The following TTLL11 variants were observed in gnomAD, a reference collection of about 807,000 sequenced individuals.
The protein encoded by TTLL11 is tubulin polyglutamylase TTLL11.
In TTLL11, 42 loss-of-function variants were observed where a neutral mutation model predicts 51.7. The ratio of observed to expected loss-of-function variants is 0.81; its 90% CI spans 0.64 to 1.05. The LOEUF (loss-of-function observed/expected upper bound fraction) is 1.05. TTLL11 is among the 50% of genes least tolerant of loss of function. The pLI, the probability that TTLL11 is intolerant of heterozygous loss-of-function variation, is 0.00. For missense variants in TTLL11, 799 were observed against 940.4 expected, an observed-to-expected ratio of 0.85 and a Z score of 1.97; for synonymous variants, 381 against 383.5, an observed-to-expected ratio of 0.99 and a Z score of 0.08.
At chr9:122,034,352 A>G (rs1451363159) in intron 2 of TTLL11, among the ~76,000 whole-genome samples, 1 of 152,160 alleles carries the variant, frequency 6.6e-6, no homozygotes, top group Admixed American at 6.5e-5. Flanking sequence ...GTGCACCATC[A>G]GGCCCCACAC....
chr9:121,852,720 C>A (rs1837699937), intron 8 of TTLL11, among the ~76,000 whole-genome samples: 1 of 152,166 alleles, frequency 6.6e-6, no homozygotes, highest in Admixed American at 6.5e-5. Context: ...CCTGGGAGAT[C>A]AGGGTCTGGG....
intron 8 of TTLL11, among the ~76,000 whole-genome samples, chr9:121,835,262 T>C (rs1381198156): frequency 6.6e-6 from 1 of 152,192 alleles, no homozygotes; most frequent in African/African-American, 2.4e-5. Context: ...ACTGCCACCC[T>C]AAGAGACTGG....
intron 4 of TTLL11, among the ~76,000 whole-genome samples, chr9:121,980,934 A>T (rs1454745664): frequency 1.3e-5 from 2 of 152,322 alleles, no homozygotes; most frequent in Admixed American, 1.3e-4. Context: ...GTTCTTCTGA[A>T]CATAGTGTAT....
At chr9:122,090,118 A>G (rs149285641) in intron 1 of TTLL11, among the ~76,000 whole-genome samples, 1 of 139,570 alleles carries the variant, frequency 7.2e-6, no homozygotes, top group Non-Finnish European at 1.6e-5. Context: ...TCTCATGTAG[A>G]TCAACATTAC....
intron 4 of TTLL11, among the ~76,000 whole-genome samples, chr9:121,978,451 T>G (rs200646379): frequency 0.058 from 141 of 2,438 alleles, 2 homozygotes; most frequent in East Asian, 0.35. Context: ...GGAAAAAGCT[T>G]TATTTATTTA....
At chr9:121,998,199 C>T (rs1050415540) in intron 3 of TTLL11, among the ~76,000 whole-genome samples, 2 of 152,194 alleles carry the variant, frequency 1.3e-5, no homozygotes, top group African/African-American at 4.8e-5. Flanking sequence ...GCTTTTCCTC[C>T]TTCCCCACAC....
At chr9:121,972,016 G>T (rs1470584225) in intron 6 of TTLL11, among the ~76,000 whole-genome samples, 1 of 151,774 alleles carries the variant, frequency 6.6e-6, no homozygotes, top group African/African-American at 2.4e-5. Flanking sequence ...AGCATTAGGA[G>T]AAATACCTAA....
At chr9:122,071,753 T>A (rs1379963673) in intron 1 of TTLL11, among the ~76,000 whole-genome samples, 2 of 152,172 alleles carry the variant, frequency 1.3e-5, no homozygotes, top group Non-Finnish European at 2.9e-5. Flanking sequence ...CCCTACTCAC[T>A]CAGAGGGTTG....
At chr9:122,020,111 T>C (rs913882925) in intron 3 of TTLL11, among the ~76,000 whole-genome samples, 1 of 152,220 alleles carries the variant, frequency 6.6e-6, no homozygotes, top group East Asian at 1.9e-4. Context: ...TAAGCCGCCA[T>C]GCCTGCCCTA....
intron 1 of TTLL11, 40 bp from the exon 2 acceptor site, chr9:122,039,408 G>A (rs1844783765): frequency 1.3e-6 from 2 of 1,512,502 alleles, no homozygotes; most frequent in Non-Finnish European, 1.8e-6. Flanking sequence ...AGAATAAGAA[G>A]AGCAGTGACC....
intron 3 of TTLL11, among the ~76,000 whole-genome samples, chr9:121,994,407 C>T (rs1162907076): frequency 6.6e-6 from 1 of 152,224 alleles, no homozygotes; most frequent in Non-Finnish European, 1.5e-5. Flanking sequence ...CACACGCTTA[C>T]TGAGCACTTA....
chr9:121,864,236 G>A (rs1160394334), intron 7 of TTLL11, among the ~76,000 whole-genome samples: 1 of 152,226 alleles, frequency 6.6e-6, no homozygotes, highest in East Asian at 1.9e-4. Flanking sequence ...ATTGCTGAAT[G>A]GGCCTTGGAT....
At chr9:122,048,200 C>T (rs1845069752) in intron 1 of TTLL11, among the ~76,000 whole-genome samples, 1 of 152,010 alleles carries the variant, frequency 6.6e-6, no homozygotes, top group South Asian at 2.1e-4. Context: ...TGGGGTCTCA[C>T]TCTGTCAGCC....
chr9:121,824,464 G>A (rs1225166020), intron 8 of TTLL11, among the ~76,000 whole-genome samples: 2 of 138,696 alleles, frequency 1.4e-5, no homozygotes, highest in African/African-American at 5.5e-5. Context: ...GACAGACAGA[G>A]CGAGACTCCA....
At position 121,980,941 on chromosome 9, in the gene TTLL11, G is replaced by C. The variant is rs1003620913; in HGVS notation, c.1270-5962C>G. 9.8e-5 allele frequency among the ~76,000 whole-genome samples: 15 copies of C among 152,296 alleles called. No individual in the cohort carries two copies. In the Middle Eastern group the frequency reaches 0.01, roughly 104 times the overall value. On this transcript the variant is annotated intron_variant, in intron 4 of 8. Coordinates refer to ENST00000321582, the MANE Select transcript of TTLL11 (RefSeq NM_001139442.2). ...TATTCTTTGTTCTTCTGAACATAGT[G>C]TATCTTTTCTTTCTGACTGCTTTTA...
At chr9:121,914,261 A>G (rs1287879098) in intron 6 of TTLL11, among the ~76,000 whole-genome samples, 1 of 152,218 alleles carries the variant, frequency 6.6e-6, no homozygotes, top group Non-Finnish European at 1.5e-5. Context: ...TCACGCAGCA[A>G]CAGTAGAACT....
rs565728991 is a variant in TTLL11, at chr9:121,987,983, C to T, written c.1269+1212G>A. 4.9e-4 allele frequency among the ~76,000 whole-genome samples: 75 copies of T among 152,230 alleles called. No homozygotes were observed. In the Middle Eastern group the frequency reaches 0.01, roughly 21 times the overall value. On this transcript the variant is annotated intron_variant, in intron 4 of 8. Coordinates refer to ENST00000321582, the MANE Select transcript of TTLL11 (RefSeq NM_001139442.2). ...ACATAGGCACTTTAAGTCCAACTCCCAACCTTCCCCCAACAGCCTGGTCCT... is the reference window on the plus strand; with the variant it reads ...ACATAGGCACTTTAAGTCCAACTCCTAACCTTCCCCCAACAGCCTGGTCCT...
At chr9:121,983,172 G>A (rs1842862861) in intron 4 of TTLL11, among the ~76,000 whole-genome samples, 1 of 152,160 alleles carries the variant, frequency 6.6e-6, no homozygotes, top group African/African-American at 2.4e-5. Context: ...GATGTATGAA[G>A]GAGGGAAACA....
At chr9:121,999,721 C>T (rs956533816) in intron 3 of TTLL11, among the ~76,000 whole-genome samples, 12 of 152,198 alleles carry the variant, frequency 7.9e-5, no homozygotes, top group African/African-American at 2.7e-4. Context: ...AAGCCAAACC[C>T]AGCTACACAC....
Sources: gnomAD v4.1 joint callset for allele counts (sites outside exome capture counted in the v4.1 genomes callset) on GRCh38, gnomAD v4.1.1 for gene constraint, MANE v1.5 for transcripts, NCBI Gene and HGNC (gene_info 2026-07-23, HGNC 2026-07-21) for gene names.